The following THBS4 variants were observed in gnomAD, a reference collection of about 807,000 sequenced individuals.
The protein encoded by THBS4 is thrombospondin 4.
Under a neutral mutation model 115.7 loss-of-function variants are expected in THBS4, and 90 were observed. That is an observed-to-expected ratio of 0.78 (90% CI 0.66 to 0.93). THBS4 has a LOEUF of 0.93. THBS4 is among the 40% of genes least tolerant of loss of function. The probability of loss-of-function intolerance (pLI) is 0.00; values close to 1 mark genes in which losing one functional copy is unlikely to be tolerated. For missense variants in THBS4, 1,087 were observed against 1,232.7 expected (o/e 0.88, Z 1.77); for synonymous variants, 460 against 479.3 (o/e 0.96, Z 0.53).
At chr5:80,067,647 C>T (rs1833878224) in intron 9 of THBS4, 1 of 197,390 alleles carries the variant, frequency 5.1e-6, no homozygotes, top group Admixed American at 5.8e-5. Flanking sequence ...ACACCACCTC[C>T]CAGGACTTCA....
rs190923205 is a variant in THBS4, at chr5:80,035,819, A to G, written c.88+194A>G. On this transcript the variant is annotated intron_variant, in intron 1 of 21. Coordinates refer to ENST00000350881, the MANE Select transcript of THBS4 (RefSeq NM_003248.6). This position sits in a 1 kb window ranked among gnomAD's most constrained non-coding sequence, Gnocchi z 4.6. ...GAATTTTCCGAAATTCGATTATCCA[A>G]TGATGAGAACAATTGCCTAAATAGT... Among the ~76,000 whole-genome samples, 300 of 152,338 alleles carry G rather than the reference A, an allele frequency of 2.0e-3. 2 individuals carry two copies. Among genetic ancestry groups the G allele is most frequent in the African/African-American group, 6.9e-3 (285 of 41,588 alleles).
chr5:80,014,818 G>A (rs1179741402), intron 2 of THBS4, among the ~76,000 whole-genome samples: 1 of 152,240 alleles, frequency 6.6e-6, no homozygotes, highest in East Asian at 1.9e-4. Flanking sequence ...CAATGAGAAA[G>A]TGGAAAGAGC....
intron 2 of THBS4, among the ~76,000 whole-genome samples, chr5:80,028,447 C>T (rs1191653175): frequency 6.6e-6 from 1 of 151,846 alleles, no homozygotes; most frequent in East Asian, 1.9e-4. Flanking sequence ...TCCCCCGCAC[C>T]ATACTTTTTT....
At chr5:80,076,434 T>C (rs1743221129) in intron 15 of THBS4, among the ~76,000 whole-genome samples, 1 of 152,170 alleles carries the variant, frequency 6.6e-6, no homozygotes, top group African/African-American at 2.4e-5. Flanking sequence ...CACTGAGCCA[T>C]AGAGAGGTCA....
intron 2 of THBS4, among the ~76,000 whole-genome samples, chr5:80,026,961 G>A (rs1832488683): frequency 6.6e-6 from 1 of 151,948 alleles, no homozygotes; most frequent in Non-Finnish European, 1.5e-5. Context: ...TTGTTTTATT[G>A]CACTATAAAC....
At chr5:80,058,429 G>A (rs1453214178) in intron 4 of THBS4, 115 bp downstream of exon 4, 2 of 735,232 alleles carry the variant, frequency 2.7e-6, no homozygotes, top group Admixed American at 2.7e-5. Context: ...CCAACAAAAC[G>A]TATCTATGAA....
chr5:80,060,771 A>AC (rs771255878), intron 7 of THBS4, among the ~76,000 whole-genome samples: 11 of 152,078 alleles, frequency 7.2e-5, no homozygotes, highest in Non-Finnish European at 1.3e-4. Flanking sequence ...ACAAAAAAAA[A>AC]CATGGTTAGG....
At chr5:80,057,713 G>A (rs147709143) in intron 3 of THBS4, among the ~76,000 whole-genome samples, 122 of 152,264 alleles carry the variant, frequency 8.0e-4, no homozygotes, top group African/African-American at 2.8e-3. Context: ...ATATCAACCC[G>A]TAATATAAAA....
intron 20 of THBS4, chr5:80,080,336 G>T: frequency 2.3e-6 from 1 of 427,252 alleles, no homozygotes; most frequent in Admixed American, 3.4e-5. Flanking sequence ...AGCGTTGTGG[G>T]GTTGGTGCAT....
At chr5:80,081,625 A>G (rs1204146699) in intron 20 of THBS4, among the ~76,000 whole-genome samples, 3 of 152,192 alleles carry the variant, frequency 2.0e-5, no homozygotes, top group Non-Finnish European at 2.9e-5. Context: ...AATGGTACAC[A>G]TTTTAGAATG....
chr5:80,056,252 T>C (rs1377333820), intron 3 of THBS4, among the ~76,000 whole-genome samples: 1 of 152,180 alleles, frequency 6.6e-6, no homozygotes, highest in African/African-American at 2.4e-5. Context: ...ATTTTTATGC[T>C]AGGGGCATCA....
At chr5:80,036,646 A>C (rs960739170) in intron 1 of THBS4, among the ~76,000 whole-genome samples, 2 of 152,264 alleles carry the variant, frequency 1.3e-5, no homozygotes. Context: ...GGTAGAAAGC[A>C]GTTAAACAGA....
chr5:80,064,175 A>G (rs1833731795), intron 8 of THBS4, among the ~76,000 whole-genome samples: 1 of 152,244 alleles, frequency 6.6e-6, no homozygotes, highest in Non-Finnish European at 1.5e-5. Flanking sequence ...AAAAATGAAA[A>G]TTGCCTACAG....
chr5:80,008,593 A>G (rs2151153265), intron 2 of THBS4, among the ~76,000 whole-genome samples: 1 of 152,156 alleles, frequency 6.6e-6, no homozygotes, highest in African/African-American at 2.4e-5. Context: ...TACATATGAT[A>G]GCCAATTAAT....
At chr5:80,080,743 C>T (rs546426646) in intron 20 of THBS4, among the ~76,000 whole-genome samples, 189 of 151,906 alleles carry the variant, frequency 1.2e-3, no homozygotes, top group African/African-American at 4.1e-3. Context: ...CGCGCCATCA[C>T]GCCAGGCTAA....
chr5:80,082,192 A>C, intron 20 of THBS4: 1 of 440,572 alleles, frequency 2.3e-6, no homozygotes, highest in Non-Finnish European at 3.9e-6. Flanking sequence ...CTCCACACAC[A>C]CACGGACACA....
intron 1 of THBS4, chr5:80,036,324 A>T: frequency 2.1e-6 from 1 of 473,246 alleles, no homozygotes; most frequent in Non-Finnish European, 2.8e-6. Flanking sequence ...GGAGCTAAGC[A>T]GTGGATAGAT....
intron 2 of THBS4, among the ~76,000 whole-genome samples, chr5:80,020,247 TGGATCACGAGGTCA>T (rs1832336262): frequency 1.3e-5 from 2 of 151,892 alleles, no homozygotes; most frequent in Admixed American, 1.3e-4. Flanking sequence ...CCGAGACAGG[TGGATCACGAGGTCA>T]GGAGATCGAG....
intron 2 of THBS4, among the ~76,000 whole-genome samples, chr5:80,007,033 T>A (rs1346796440): frequency 2.6e-5 from 4 of 152,180 alleles, no homozygotes; most frequent in African/African-American, 9.7e-5. Flanking sequence ...ATTCCTTCCC[T>A]TGTGGAGCTT....
Sources: gnomAD v4.1 joint callset for allele counts (sites outside exome capture counted in the v4.1 genomes callset) on GRCh38, gnomAD v4.1.1 for gene constraint, Gnocchi (gnomAD v3.1) non-coding constraint, MANE v1.5 for transcripts, NCBI Gene and HGNC (gene_info 2026-07-23, HGNC 2026-07-21) for gene names.